The following RCOR2 variants were observed in gnomAD, a reference collection of about 807,000 sequenced individuals.
RCOR2 encodes the protein REST corepressor 2.
A neutral mutation model predicts 58.9 loss-of-function variants in RCOR2; 19 were observed. The observed-to-expected ratio is 0.32, with a 90% confidence interval of 0.23 to 0.47. The LOEUF (loss-of-function observed/expected upper bound fraction) is 0.47, where lower values mean the gene tolerates loss of function less well. Among genes scored for constraint, RCOR2 ranks in the 20% least tolerant of loss-of-function variants. The probability of loss-of-function intolerance (pLI) is 1.00; values close to 1 mark genes in which losing one functional copy is unlikely to be tolerated. For synonymous variants in RCOR2, 286 were observed against 278.7 expected, an observed-to-expected ratio of 1.03 and a Z score of -0.26; for missense variants, 590 against 707.9, an observed-to-expected ratio of 0.83 and a Z score of 1.89.
At chr11:63,915,653 G>T (rs745554448) in intron 1 of RCOR2, 42 bp from the exon 2 acceptor site, 2 of 1,127,964 alleles carry the variant, frequency 1.8e-6, no homozygotes, top group Non-Finnish European at 1.3e-6. Context: ...CAGGGAGGGC[G>T]GGCGGGAGGG....
rs1277791369 is a variant in RCOR2, at chr11:63,912,052, G to T, written c.1385C>A (p.Thr462Asn). Residue 462 changes from threonine to asparagine, a missense_variant, in exon 12 of 12, where the codon ACT becomes AAT. Thr to Asn is a moderately conservative substitution (Grantham distance 65). Transcript: ENST00000301459. The part of the protein sequence containing the change: ...LLRPPLPTAP[T>N]LLRQPPPLQQ... ...CAGTGGGGGTGGCTGTCGGAGCAGA[G>T]TGGGAGCCGTGGGCAAAGGTGGCCT... 3 of 1,494,742 alleles carry T rather than the reference G, an allele frequency of 2.0e-6. No homozygotes were observed. The highest frequency in any genetic ancestry group is 5.2e-5 in the Admixed American group (2 of 38,284). The allele number at this position is 1,494,742 out of a possible 1,614,324, so 92.6% of individuals were successfully genotyped here.
At chr11:63,913,184 A>AT (rs71039683) in intron 8 of RCOR2, among the ~76,000 whole-genome samples, 2,255 of 77,834 alleles carry the variant, frequency 0.029, 45 homozygotes, top group Non-Finnish European at 0.034. Context: ...ATATATATAT[A>AT]TTTTTTTTTT....
At chr11:63,923,213 A>ACCTT in the RCOR2 span, among the ~76,000 whole-genome samples, 1 of 150,918 alleles carries the variant, frequency 6.6e-6, no homozygotes, top group African/African-American at 2.4e-5. Flanking sequence ...AATCCTGAGC[A>ACCTT]CCTTGATTTT....
At position 63,911,533 on chromosome 11, in the gene RCOR2, C is replaced by T. The variant is rs761367176; in HGVS notation, c.*332G>A. The T allele has an allele frequency of 3.3e-5, 7 of 212,106 alleles. No individual in the cohort carries two copies. Among genetic ancestry groups the T allele is most frequent in the African/African-American group, 4.6e-5 (2 of 43,090 alleles). 13.1% of individuals were successfully genotyped at this position (212,106 alleles called of 1,614,324 possible). The stretch of plus-strand genomic sequence containing the variant: ...ACCCAACTGCCCTCTCCCCACTCCA[C>T]GCTAAGGTCACTACCCCGGACACAC... On this transcript the variant is annotated 3_prime_UTR_variant, in exon 12 of 12. Coordinates refer to ENST00000301459, the MANE Select transcript of RCOR2 (RefSeq NM_173587.4).
At position 63,911,608 on chromosome 11, in the gene RCOR2, T is replaced by TCCAGTAC; in HGVS notation, c.*250_*256dup. 1 of 437,944 alleles carries TCCAGTAC rather than the reference T, an allele frequency of 2.3e-6. No homozygotes were observed. Among genetic ancestry groups the TCCAGTAC allele is most frequent in the Non-Finnish European group, 3.9e-6 (1 of 253,760 alleles). 27.1% of individuals were successfully genotyped at this position (437,944 alleles called of 1,614,324 possible). ...CCCCAGCAGACTAGGACACAGCCATTCCAGTACCGGCCAGGAAGCGAAAGT... is the reference window on the plus strand; with the variant it reads ...CCCCAGCAGACTAGGACACAGCCATTCCAGTACCCAGTACCGGCCAGGAAGCGAAAGT... On this transcript the variant is annotated 3_prime_UTR_variant, in exon 12 of 12. Coordinates refer to ENST00000301459, the MANE Select transcript of RCOR2 (RefSeq NM_173587.4).
At chr11:63,926,768 G>C in the RCOR2 span, among the ~76,000 whole-genome samples, 1 of 141,466 alleles carries the variant, frequency 7.1e-6, no homozygotes, top group Non-Finnish European at 1.5e-5. Context: ...ATGAGCCACT[G>C]TGCCTGGCCT....
chr11:63,914,628 C>A, intron 5 of RCOR2, 27 bp downstream of exon 5: 1 of 1,604,668 alleles, frequency 6.2e-7, no homozygotes, highest in Non-Finnish European at 8.5e-7. Context: ...AGAGGAGCGC[C>A]GGGGAGTGGG....
the RCOR2 span, among the ~76,000 whole-genome samples, chr11:63,925,655 C>CAA: frequency 1.1e-4 from 15 of 136,180 alleles, no homozygotes; most frequent in African/African-American, 2.9e-4. Flanking sequence ...CCTGCCTCTA[C>CAA]AAAAAAAAAA....
At chr11:63,918,979 C>G (rs1410738396), upstream of RCOR2, among the ~76,000 whole-genome samples, 2 of 152,220 alleles carry the variant, frequency 1.3e-5, no homozygotes, top group African/African-American at 4.8e-5. Context: ...TTCCCCGCCT[C>G]CTAAGAACCT....
chr11:63,918,034 G>T (rs1438047088), upstream of RCOR2, among the ~76,000 whole-genome samples: 2 of 152,138 alleles, frequency 1.3e-5, no homozygotes, highest in South Asian at 2.1e-4. Flanking sequence ...CACCGGCGGC[G>T]GCTCCGAGCC....
At chr11:63,926,050 C>T in the RCOR2 span, among the ~76,000 whole-genome samples, 2 of 152,228 alleles carry the variant, frequency 1.3e-5, no homozygotes, top group South Asian at 2.1e-4. Context: ...ACTGGGATTA[C>T]AGGCACCCAC....
At chr11:63,924,994 G>A in the RCOR2 span, among the ~76,000 whole-genome samples, 1 of 151,980 alleles carries the variant, frequency 6.6e-6, no homozygotes, top group Non-Finnish European at 1.5e-5. Flanking sequence ...GGGATTACAG[G>A]TGCCTGCCAC....
At chr11:63,926,779 G>GT in the RCOR2 span, among the ~76,000 whole-genome samples, 1,734 of 119,236 alleles carry the variant, frequency 0.015, 32 homozygotes, top group African/African-American at 0.039. Flanking sequence ...TGCCTGGCCT[G>GT]TTTTTTTTTT....
intron 9 of RCOR2, 22 bp from the exon 10 acceptor site, chr11:63,912,755 A>T: frequency 1.2e-6 from 2 of 1,613,384 alleles, no homozygotes; most frequent in South Asian, 2.2e-5. Context: ...GGAACAACAT[A>T]TCCTTTAGAC....
chr11:63,912,455 G>C lies in RCOR2; in HGVS notation c.1107C>G (p.Phe369Leu). The change falls in exon 11 of 12, where the codon TTC becomes TTG. Residue 369 changes from phenylalanine to leucine, a missense_variant. Physicochemically the swap from Phe to Leu is conservative, Grantham distance 22 (BLOSUM62 0). Around this residue, in one of 3 missense-constraint regions of RCOR2, gnomAD observed 196 missense variants for 210.7 expected, o/e 0.93. Transcript: ENST00000301459. ...GNKTLTQVKT[F>L]FVSYRRRFNL... ...TGAAGCGGCGCCGGTAGCTCACAAA[G>C]AAAGTCTTCACCTGGGTCAGAGTCT... The C allele has an allele frequency of 1.2e-6, 2 of 1,614,016 alleles. No homozygotes were observed. The highest frequency in any genetic ancestry group is 1.7e-6 in the Non-Finnish European group (2 of 1,179,984).
intron 3 of RCOR2, 42 bp from the exon 4 acceptor site, chr11:63,914,996 T>C (rs373123325): frequency 3.5e-5 from 56 of 1,609,762 alleles, no homozygotes; most frequent in Non-Finnish European, 4.7e-5. Flanking sequence ...AAGGGGGTTA[T>C]AGCTCCTAAC....
upstream of RCOR2, among the ~76,000 whole-genome samples, chr11:63,918,342 G>T (rs950960326): frequency 7.2e-5 from 11 of 152,298 alleles, no homozygotes; most frequent in African/African-American, 2.2e-4. Flanking sequence ...GTTGCGGTCG[G>T]GCCACGACCC....
Position 63,911,653 on chromosome 11 carries a change from G to A in RCOR2, c.*212C>T, listed in dbSNP as rs1941758057. ...GAAAGTGCCCTCAGGCCAGCTCAAAGGCCCCTGAGCCCGGCCATGGCCCCA... is the reference window on the plus strand; with the variant it reads ...GAAAGTGCCCTCAGGCCAGCTCAAAAGCCCCTGAGCCCGGCCATGGCCCCA... On this transcript the variant is annotated 3_prime_UTR_variant, in exon 12 of 12. Transcript: ENST00000301459. 2.8e-6 allele frequency: 2 copies of A among 706,954 alleles called. No individual in the cohort carries two copies. The highest frequency in any genetic ancestry group is 4.2e-6 in the Non-Finnish European group (2 of 480,582). 43.8% of individuals were successfully genotyped at this position (706,954 alleles called of 1,614,324 possible).
At chr11:63,917,773 T>C (rs1207320973), upstream of RCOR2, among the ~76,000 whole-genome samples, 1 of 152,088 alleles carries the variant, frequency 6.6e-6, no homozygotes, top group African/African-American at 2.4e-5. Flanking sequence ...TAGCAAGGGC[T>C]GAGGGATGGG....
Sources: gnomAD v4.1 joint callset for allele counts (sites outside exome capture counted in the v4.1 genomes callset) on GRCh38, gnomAD v4.1.1 for gene constraint, gnomAD v4.1.1 regional missense constraint, MANE v1.5 for transcripts, NCBI Gene and HGNC (gene_info 2026-07-23, HGNC 2026-07-21) for gene names.